NCKAP5: variants seen among roughly 807,000 people sequenced by gnomAD.
NCKAP5 encodes nck-associated protein 5.
A neutral mutation model predicts 167.0 loss-of-function variants in NCKAP5; 92 were observed. That is an observed-to-expected ratio of 0.55 (90% CI 0.47 to 0.66). NCKAP5 has a LOEUF of 0.66. Among genes scored for constraint, NCKAP5 ranks in the 30% least tolerant of loss-of-function variants. The pLI is 0.00. For synonymous variants in NCKAP5, 891 were observed against 877.4 expected, an observed-to-expected ratio of 1.02 and a Z score of -0.27; for missense variants, 2,378 against 2,315.0, an observed-to-expected ratio of 1.03 and a Z score of -0.56.
At chr2:132,706,579 T>C (rs1301868096) in intron 19 of NCKAP5, among the ~76,000 whole-genome samples, 3 of 152,114 alleles carry the variant, frequency 2.0e-5, no homozygotes, top group African/African-American at 7.2e-5. Context: ...CACCATCCAG[T>C]CACTGAACTT....
chr2:133,197,143 G>T (rs2085472699), intron 5 of NCKAP5, among the ~76,000 whole-genome samples: 3 of 152,160 alleles, frequency 2.0e-5, no homozygotes, highest in Non-Finnish European at 4.4e-5. Context: ...AAAAATGCCA[G>T]AGAGCTCCAC....
chr2:132,853,929 G>A (rs1360969168), intron 11 of NCKAP5, among the ~76,000 whole-genome samples: 3 of 152,128 alleles, frequency 2.0e-5, no homozygotes, highest in South Asian at 4.1e-4. Flanking sequence ...CCTAAGCACT[G>A]CTCTCACTCC....
chr2:133,001,030 T>C (rs1403781561), intron 6 of NCKAP5, among the ~76,000 whole-genome samples: 3 of 152,164 alleles, frequency 2.0e-5, no homozygotes, highest in East Asian at 1.9e-4. Context: ...AGAGTAATGT[T>C]CTGTAACTCT....
At chr2:133,326,175 G>A (rs1272624619) in intron 3 of NCKAP5, among the ~76,000 whole-genome samples, 1 of 152,164 alleles carries the variant, frequency 6.6e-6, no homozygotes, top group African/African-American at 2.4e-5. Flanking sequence ...AAACTATAAG[G>A]CCGGGCACAG....
intron 7 of NCKAP5, among the ~76,000 whole-genome samples, chr2:132,964,551 C>T (rs2076605136): frequency 6.6e-6 from 1 of 152,012 alleles, no homozygotes; most frequent in South Asian, 2.1e-4. Flanking sequence ...TAAGTTAAGC[C>T]TCATGAATAG....
intron 7 of NCKAP5, among the ~76,000 whole-genome samples, chr2:132,984,133 G>A (rs2077218854): frequency 1.3e-5 from 2 of 152,096 alleles, no homozygotes; most frequent in African/African-American, 4.8e-5. Context: ...TCCTCATAGA[G>A]TTGAGCTGTC....
At chr2:132,982,223 T>C (rs2077163069) in intron 7 of NCKAP5, among the ~76,000 whole-genome samples, 1 of 152,228 alleles carries the variant, frequency 6.6e-6, no homozygotes, top group African/African-American at 2.4e-5. Context: ...TCTCTGATTG[T>C]TAAATGAAAT....
intron 8 of NCKAP5, among the ~76,000 whole-genome samples, chr2:132,935,755 C>T (rs551360395): frequency 3.9e-5 from 6 of 152,092 alleles, no homozygotes; most frequent in Admixed American, 2.6e-4. Context: ...TCACAAGGAC[C>T]CTTGCTCACA....
chr2:133,469,897 T>C (rs1692918468), intron 3 of NCKAP5, among the ~76,000 whole-genome samples: 2 of 149,416 alleles, frequency 1.3e-5, no homozygotes, highest in Admixed American at 1.3e-4. Flanking sequence ...TTGGTTATTC[T>C]AGTCATACAT....
intron 16 of NCKAP5, among the ~76,000 whole-genome samples, chr2:132,751,886 C>T (rs564172717): frequency 6.6e-6 from 1 of 152,216 alleles, no homozygotes; most frequent in African/African-American, 2.4e-5. Flanking sequence ...GCAAATTCAG[C>T]ACAGCAGCCT....
At chr2:133,532,997 C>T (rs1438341352) in intron 2 of NCKAP5, among the ~76,000 whole-genome samples, 1 of 152,158 alleles carries the variant, frequency 6.6e-6, no homozygotes, top group Admixed American at 6.5e-5. Context: ...ACATAATCAG[C>T]AGGGCTTGTG....
At chr2:132,962,408 G>A (rs922699374) in intron 8 of NCKAP5, among the ~76,000 whole-genome samples, 7 of 152,252 alleles carry the variant, frequency 4.6e-5, no homozygotes, top group East Asian at 3.9e-4. Flanking sequence ...GAAAGTAGTC[G>A]AACAGGGATT....
intron 16 of NCKAP5, among the ~76,000 whole-genome samples, chr2:132,748,476 T>C (rs147305152): frequency 7.1e-4 from 108 of 152,332 alleles, no homozygotes; most frequent in Non-Finnish European, 1.3e-3. Context: ...GCAACACTTT[T>C]TCTATAAATG....
chr2:133,330,244 ATTTT>A (rs765058418), intron 3 of NCKAP5, among the ~76,000 whole-genome samples: 2 of 88,168 alleles, frequency 2.3e-5, no homozygotes, highest in African/African-American at 8.8e-5. Context: ...TATTTTTTGT[ATTTT>A]TTTTTTTTTT....
At chr2:133,652,305 G>C in the NCKAP5 span, among the ~76,000 whole-genome samples, 3 of 152,170 alleles carry the variant, frequency 2.0e-5, no homozygotes, top group African/African-American at 7.2e-5. Context: ...CCAAGGCAAC[G>C]GAAGAGGGTG....
chr2:133,274,056 C>G lies in NCKAP5; in HGVS notation c.143+28981G>C, dbSNP rs181246315. Among the ~76,000 whole-genome samples the G allele has an allele frequency of 1.7e-3, 257 of 150,460 alleles. 3 individuals carry two copies. The highest frequency in any genetic ancestry group is 1.5e-3 in the Non-Finnish European group (99 of 67,624). ...ATTTCCTTTAAATTTTTCCTCTAGA[C>G]AAGGATCCTTCCATCACCACTTCAT... On this transcript the variant is annotated intron_variant, in intron 4 of 19. Coordinates refer to ENST00000409261, the MANE Select transcript of NCKAP5 (RefSeq NM_207363.3).
At chr2:132,750,004 T>C (rs1679979043) in intron 16 of NCKAP5, among the ~76,000 whole-genome samples, 1 of 152,182 alleles carries the variant, frequency 6.6e-6, no homozygotes. Context: ...TATATCCAGC[T>C]TACAGATACA....
At chr2:133,520,584 C>A (rs1302798841) in intron 2 of NCKAP5, among the ~76,000 whole-genome samples, 1 of 152,174 alleles carries the variant, frequency 6.6e-6, no homozygotes, top group East Asian at 1.9e-4. Flanking sequence ...ATCATCCCTT[C>A]TGGCAAATAT....
chr2:133,051,547 G>A (rs1442162663), intron 6 of NCKAP5, among the ~76,000 whole-genome samples: 1 of 152,110 alleles, frequency 6.6e-6, no homozygotes, highest in African/African-American at 2.4e-5. Flanking sequence ...GAAGGCAGGC[G>A]GTTTGCTAGC....
Sources: gnomAD v4.1 joint callset for allele counts (sites outside exome capture counted in the v4.1 genomes callset) on GRCh38, gnomAD v4.1.1 for gene constraint, MANE v1.5 for transcripts, NCBI Gene and HGNC (gene_info 2026-07-23, HGNC 2026-07-21) for gene names.